PLA1A: variants seen among roughly 807,000 people sequenced by gnomAD.
PLA1A encodes the protein phosphatidylserine-specific phospholipase A1alpha.
PLA1A carries 47 observed loss-of-function variants against 49.4 expected under a neutral mutation model. The observed-to-expected ratio is 0.95, with a 90% CI of 0.75 to 1.21. The LOEUF is 1.21. Among genes scored for constraint, PLA1A ranks in the 50% most tolerant of loss-of-function variants. The pLI, the probability that PLA1A is intolerant of heterozygous loss-of-function variation, is 0.00. For synonymous variants in PLA1A, 224 were observed against 207.9 expected, an observed-to-expected ratio of 1.08 and a Z score of -0.67; for missense variants, 561 against 563.9, an observed-to-expected ratio of 0.99 and a Z score of 0.05.
chr3:119,598,114 A>C, intron 1 of PLA1A, 128 bp downstream of exon 1: 1 of 554,600 alleles, frequency 1.8e-6, no homozygotes, highest in East Asian at 3.1e-5. Context: ...GGTGAATTTA[A>C]AACAGTAGGG....
In PLA1A at chr3:119,619,658, T is replaced by C; in HGVS notation, c.1012+6T>C. On this transcript the variant is annotated splice_donor_region_variant and intron_variant, in intron 8 of 10. Transcript: ENST00000273371. ...TTCCAGTGCTCCGTACTGCAGTGAG[T>C]AGGGGGAAATGCATGAGCTCAGCTC... 3 of 1,575,474 alleles carry C rather than the reference T, an allele frequency of 1.9e-6. No homozygotes were observed. Among genetic ancestry groups the C allele is most frequent in the Non-Finnish European group, 2.6e-6 (3 of 1,144,658 alleles).
In PLA1A at chr3:119,606,876, C is replaced by T. The variant is rs761764931; in HGVS notation, c.176C>T (p.Ser59Leu). Residue 59 changes from serine (S) to leucine (L), a missense_variant, in exon 2 of 11, where the codon TCG becomes TTG. Physicochemically the swap from Ser to Leu is moderately radical, Grantham distance 145. Transcript: ENST00000273371. ...GTCCAGTTTCTCCTCTTTGTCCCTT[C>T]GAATCCTAGCTGTGGGCAGCTAGTA... The part of the protein sequence containing the change: ...LKVQFLLFVP[S>L]NPSCGQLVEG... The T allele has an allele frequency of 6.2e-6, 10 of 1,614,100 alleles. No homozygotes were observed. The highest frequency in any genetic ancestry group is 1.6e-4 in the Middle Eastern group (1 of 6,062).
chr3:119,619,757 T>G lies in PLA1A; in HGVS notation c.1012+105T>G, dbSNP rs75197655. ...GGAGTGAATGATAAGAGCAAAGGCA[T>G]CACCGGAGGTGTGGCAACAGCCCCT... On this transcript the variant is annotated intron_variant, in intron 8 of 10. Coordinates refer to ENST00000273371, the MANE Select transcript of PLA1A (RefSeq NM_015900.4). 223 of 806,252 alleles carry G rather than the reference T, an allele frequency of 2.8e-4. 1 individual carries two copies. The East Asian group carries it at 5.6e-3, about 20-fold the overall frequency. The allele number at this position is 806,252 out of a possible 1,614,324, so 49.9% of individuals were successfully genotyped here.
chr3:119,623,416 G>A (rs2082972247), intron 8 of PLA1A, among the ~76,000 whole-genome samples: 1 of 152,100 alleles, frequency 6.6e-6, no homozygotes, highest in South Asian at 2.1e-4. Context: ...CAAAGTACTA[G>A]GATTTCAGGC....
intron 7 of PLA1A, among the ~76,000 whole-genome samples, chr3:119,618,800 A>T (rs554188524): frequency 7.9e-5 from 12 of 152,088 alleles, no homozygotes; most frequent in African/African-American, 2.9e-4. Flanking sequence ...GGGCAGTGGA[A>T]ATGGTTTCTC....
At chr3:119,625,260 C>A in intron 9 of PLA1A, 28 bp downstream of exon 9, 1 of 1,414,524 alleles carries the variant, frequency 7.1e-7, no homozygotes, top group Non-Finnish European at 1.0e-6. Flanking sequence ...CTGGTTGACT[C>A]CTCCCCTTAG....
Position 119,629,570 on chromosome 3 carries a change from C to A in PLA1A, c.*102C>A. 1.4e-6 allele frequency: 1 copy of A among 698,070 alleles called. No individual in the cohort carries two copies. The highest frequency in any genetic ancestry group is 2.6e-6 in the Non-Finnish European group (1 of 388,744). 43.2% of individuals were successfully genotyped at this position (698,070 alleles called of 1,614,324 possible). A position where few individuals can be genotyped will look rare whatever the true frequency, so the allele number is the denominator to read the frequency against. On this transcript the variant is annotated 3_prime_UTR_variant, in exon 11 of 11. Transcript: ENST00000273371. ...TGCAGCTTATTGTAGACCATTACTA[C>A]TAAGGAGAAAAGCAAAGCTCTTTCT...
chr3:119,605,541 G>C (rs868734263), intron 1 of PLA1A, among the ~76,000 whole-genome samples: 2 of 152,218 alleles, frequency 1.3e-5, no homozygotes, highest in African/African-American at 4.8e-5. Context: ...CACACAAACC[G>C]AAGTCTGCAA....
At chr3:119,613,472 A>C (rs6807201) in intron 5 of PLA1A, among the ~76,000 whole-genome samples, 50,003 of 152,162 alleles carry the variant, frequency 0.33, 11,326 homozygotes, top group African/African-American at 0.64. Context: ...AGTCATGAAG[A>C]TTTTTTAGGA....
chr3:119,626,520 G>T (rs2052541444), intron 9 of PLA1A, among the ~76,000 whole-genome samples: 1 of 152,182 alleles, frequency 6.6e-6, no homozygotes, highest in Non-Finnish European at 1.5e-5. Flanking sequence ...GGGTTGTGGG[G>T]ATGCTGTGAG....
At chr3:119,620,722 G>A (rs570824018) in intron 8 of PLA1A, among the ~76,000 whole-genome samples, 1 of 152,320 alleles carries the variant, frequency 6.6e-6, no homozygotes, top group Admixed American at 6.5e-5. Flanking sequence ...AGAATAGTTA[G>A]GGTGTTTGTA....
Position 119,623,664 on chromosome 3 carries a change from G to A in PLA1A, c.1013-1460G>A, listed in dbSNP as rs974201860. On this transcript the variant is annotated intron_variant, in intron 8 of 10. Transcript: ENST00000273371. ...ACAGCCTGCTTCCCTGACGCTGGGT[G>A]TGTGGAGAGGGAGCAGGGCCGTTGC... Among the ~76,000 whole-genome samples the A allele has an allele frequency of 2.6e-5, 4 of 151,564 alleles. No individual in the cohort carries two copies. In the South Asian group the frequency reaches 6.2e-4, roughly 24 times the overall value.
rs1381575220 is a variant in PLA1A, at chr3:119,610,707, A to G, written c.562+1131A>G. ...TTCAAGTTCCTTATAGATTCTGGATATTAGTCCTTTGTCAGATGCATAGTT... is the reference window on the plus strand; with the variant it reads ...TTCAAGTTCCTTATAGATTCTGGATGTTAGTCCTTTGTCAGATGCATAGTT... On this transcript the variant is annotated intron_variant, in intron 4 of 10. Transcript: ENST00000273371. Among the ~76,000 whole-genome samples, 10 of 152,196 alleles carry G rather than the reference A, an allele frequency of 6.6e-5. No homozygotes were observed. In the East Asian group the frequency reaches 1.9e-3, roughly 29 times the overall value.
intron 2 of PLA1A, 153 bp downstream of exon 2, chr3:119,607,128 T>G: frequency 1.5e-6 from 1 of 651,022 alleles, no homozygotes; most frequent in East Asian, 2.7e-5. Flanking sequence ...TGGGGTCTCA[T>G]GTCAACATGC....
Position 119,600,402 on chromosome 3 carries a change from G to A in PLA1A, c.73+2416G>A, listed in dbSNP as rs115748229. 1,085 of 702,936 alleles carry A rather than the reference G, an allele frequency of 1.5e-3. 8 individuals carry two copies. In the African/African-American group the frequency reaches 0.017, roughly 11 times the overall value. 43.5% of individuals were successfully genotyped at this position (702,936 alleles called of 1,614,324 possible). A position where few individuals can be genotyped will look rare whatever the true frequency, so the allele number is the denominator to read the frequency against. On this transcript the variant is annotated intron_variant, in intron 1 of 10. Transcript: ENST00000273371. ...TGGATGCACAAGTCTTCCTCCATCT[G>A]GGGTAGGTGGTCTTTCTTTGTGTTC...
At chr3:119,619,727 G>C in intron 8 of PLA1A, 75 bp downstream of exon 8, 1 of 1,007,950 alleles carries the variant, frequency 9.9e-7, no homozygotes, top group African/African-American at 1.6e-5. Flanking sequence ...GTGGTAGCCT[G>C]GGTGGGAGTG....
At chr3:119,608,278 A>AAGAG (rs2082719994) in intron 2 of PLA1A, among the ~76,000 whole-genome samples, 2 of 151,194 alleles carry the variant, frequency 1.3e-5, no homozygotes, top group Non-Finnish European at 3.0e-5. Flanking sequence ...GAAAGAAAGA[A>AAGAG]AGAAAGAAAG....
intron 5 of PLA1A, among the ~76,000 whole-genome samples, chr3:119,614,637 C>A: frequency 6.7e-6 from 1 of 149,940 alleles, no homozygotes; most frequent in African/African-American, 2.5e-5. Flanking sequence ...AAAGTGAATC[C>A]TTTCTATCCT....
At position 119,597,974 on chromosome 3, in the gene PLA1A, G is replaced by A. The variant is rs986596020; in HGVS notation, c.61G>A (p.Val21Ile). 85 of 1,606,794 alleles carry A rather than the reference G, an allele frequency of 5.3e-5. No individual in the cohort carries two copies. The highest frequency in any genetic ancestry group is 1.8e-4 in the East Asian group (8 of 44,762). ...WVGGLILWLS[V>I]GSSGDAPPTP... is the part of the protein sequence containing the mutation. The stretch of plus-strand genomic sequence containing the variant: ...GGGGGGCCTCATTTTGTGGCTCAGC[G>A]TTGGAAGTTCAGGTAAGCCAGGGCT... Residue 21 changes from valine (V) to isoleucine (I), a missense_variant, in exon 1 of 11, where the codon GTT becomes ATT. Coordinates refer to ENST00000273371, the MANE Select transcript of PLA1A (RefSeq NM_015900.4).
Sources: gnomAD v4.1 joint callset for allele counts (sites outside exome capture counted in the v4.1 genomes callset) on GRCh38, gnomAD v4.1.1 for gene constraint, MANE v1.5 for transcripts, NCBI Gene and HGNC (gene_info 2026-07-23, HGNC 2026-07-21) for gene names.